Variants in KDM5B observed in about 807,000 individuals in gnomAD.
The protein encoded by KDM5B is lysine-specific demethylase 5B.
Under a neutral mutation model 193.4 loss-of-function variants are expected in KDM5B, and 144 were observed. That is an observed-to-expected ratio of 0.74 (90% CI 0.65 to 0.86). The LOEUF (loss-of-function observed/expected upper bound fraction) is 0.86, where lower values mean the gene tolerates loss of function less well. Ranked by LOEUF, KDM5B falls within the 40% of genes least tolerant of loss-of-function variation. KDM5B has a pLI of 0.00. For missense variants in KDM5B, 1,833 were observed against 1,886.9 expected, an observed-to-expected ratio of 0.97 and a Z score of 0.53; for synonymous variants, 668 against 682.6, an observed-to-expected ratio of 0.98 and a Z score of 0.33.
At chr1:202,740,169 G>C (rs1206936951) in intron 20 of KDM5B, among the ~76,000 whole-genome samples, 1 of 147,430 alleles carries the variant, frequency 6.8e-6, no homozygotes, top group Non-Finnish European at 1.5e-5. Flanking sequence ...TCACTTCCCA[G>C]TAGGGGCGGC....
chr1:202,796,505 A>G (rs1434391283), intron 1 of KDM5B: 1 of 190,896 alleles, frequency 5.2e-6, no homozygotes, highest in Non-Finnish European at 1.1e-5. Flanking sequence ...TAACCTTGGT[A>G]GCTGGTGTGC....
intron 1 of KDM5B, among the ~76,000 whole-genome samples, chr1:202,778,810 C>T (rs996371350): frequency 1.3e-5 from 2 of 152,002 alleles, no homozygotes; most frequent in Non-Finnish European, 1.5e-5. Flanking sequence ...TTAGTAGAGG[C>T]GGGGTTTCAC....
At chr1:202,738,295 C>A (rs1390050042) in intron 20 of KDM5B, among the ~76,000 whole-genome samples, 4 of 152,158 alleles carry the variant, frequency 2.6e-5, no homozygotes, top group Non-Finnish European at 5.9e-5. Flanking sequence ...TATATGTCAG[C>A]CTCTCCTTAC....
In KDM5B at chr1:202,741,711, A is replaced by G. The variant is rs1489767460; in HGVS notation, c.2601T>C (p.Asn867=). 6.3e-7 allele frequency: 1 copy of G among 1,593,552 alleles called. No homozygotes were observed. The highest frequency in any genetic ancestry group is 8.6e-7 in the Non-Finnish European group (1 of 1,167,058). The part of the protein sequence containing the change: ...SQTPLLKDLL[N]RVEDFQQHSQ... ...TATGCTGTTGAAAATCTTCTACACG[A>G]TTCAAGAGATCCTAAAAAAAAATAC... is the stretch of plus-strand genomic sequence containing the variant. The change falls in exon 19 of 27, where the codon AAT becomes AAC. Residue 867 remains asparagine (N), a synonymous_variant. Coordinates refer to ENST00000367265, the MANE Select transcript of KDM5B (RefSeq NM_006618.5).
intron 24 of KDM5B, 99 bp downstream of exon 24, chr1:202,731,729 A>G (rs1017485000): frequency 2.2e-6 from 2 of 905,934 alleles, no homozygotes; most frequent in Admixed American, 3.8e-5. Flanking sequence ...ATTTCAGCAT[A>G]AAGTCCTTTT....
At chr1:202,778,421 A>G (rs1657052405) in intron 1 of KDM5B, among the ~76,000 whole-genome samples, 1 of 152,166 alleles carries the variant, frequency 6.6e-6, no homozygotes, top group Non-Finnish European at 1.5e-5. Context: ...AGTCTGGGAT[A>G]ATGATGAAAG....
At chr1:202,758,791 T>G (rs1656123088) in intron 8 of KDM5B, 1 of 238,036 alleles carries the variant, frequency 4.2e-6, no homozygotes, top group African/African-American at 2.2e-5. Flanking sequence ...AAGACTCGAC[T>G]TCCTTCAAAA....
intron 20 of KDM5B, among the ~76,000 whole-genome samples, chr1:202,738,689 G>A (rs1442370569): frequency 6.6e-6 from 1 of 152,092 alleles, no homozygotes; most frequent in African/African-American, 2.4e-5. Flanking sequence ...TAGAACTTGA[G>A]ACTTTTTTTT....
intron 20 of KDM5B, among the ~76,000 whole-genome samples, chr1:202,739,149 A>G (rs1655204632): frequency 1.3e-5 from 2 of 152,214 alleles, no homozygotes; most frequent in Non-Finnish European, 2.9e-5. Context: ...AACAAGAGGT[A>G]ATCATACTTA....
At chr1:202,747,060 G>C (rs1042711496) in intron 14 of KDM5B, among the ~76,000 whole-genome samples, 1 of 152,028 alleles carries the variant, frequency 6.6e-6, no homozygotes, top group African/African-American at 2.4e-5. Flanking sequence ...TCTAAAACTG[G>C]ATCCTAATCC....
chr1:202,772,320 T>C (rs1410545000), intron 4 of KDM5B, among the ~76,000 whole-genome samples: 1 of 152,190 alleles, frequency 6.6e-6, no homozygotes, highest in Non-Finnish European at 1.5e-5. Context: ...ATTTCACAAA[T>C]ACCATTTTGT....
At chr1:202,775,898 A>G (rs1229224473) in intron 2 of KDM5B, among the ~76,000 whole-genome samples, 4 of 138,678 alleles carry the variant, frequency 2.9e-5, no homozygotes, top group Admixed American at 2.3e-4. Context: ...ATATATATAT[A>G]TATATAATAT....
At chr1:202,753,193 A>G (rs1462529271) in intron 11 of KDM5B, 126 bp from the exon 12 acceptor site, 1 of 779,740 alleles carries the variant, frequency 1.3e-6, no homozygotes, top group South Asian at 1.8e-5. Flanking sequence ...AACTGACGAA[A>G]TATCATTAGA....
In KDM5B at chr1:202,756,408, T is replaced by C. The variant is rs756555497; in HGVS notation, c.1306A>G (p.Ser436Gly). The change falls in exon 10 of 27, where the codon AGT becomes GGT. Residue 436 changes from serine to glycine, a missense_variant. By Grantham distance (56) the Ser-to-Gly change is moderately conservative. Transcript: ENST00000367265. ...TTCCCATCTCGGACAGGAAAGCCAC[T>C]GCCAAATTCCTTTGAGGCAATGTCA... ...GADIASKEFG[S>G]GFPVRDGKIK... 1.2e-6 allele frequency: 2 copies of C among 1,613,608 alleles called. No homozygotes were observed. The highest frequency in any genetic ancestry group is 1.7e-6 in the Non-Finnish European group (2 of 1,179,696).
At chr1:202,793,919 C>T (rs909376743) in intron 1 of KDM5B, among the ~76,000 whole-genome samples, 1 of 152,176 alleles carries the variant, frequency 6.6e-6, no homozygotes, top group African/African-American at 2.4e-5. Flanking sequence ...AAACCCCAAA[C>T]CCATACTCTA....
At chr1:202,730,060 C>A in intron 25 of KDM5B, 33 bp from the exon 26 acceptor site, 2 of 1,542,838 alleles carry the variant, frequency 1.3e-6, no homozygotes, top group Non-Finnish European at 1.8e-6. Flanking sequence ...CAATTTTCGC[C>A]TATGGGTCAC....
At position 202,749,249 on chromosome 1, in the gene KDM5B, C is replaced by T. The variant is rs77909508; in HGVS notation, c.1822-110G>A. 1,933 of 939,568 alleles carry T rather than the reference C, an allele frequency of 2.1e-3. 56 individuals carry two copies. In the East Asian group the frequency reaches 0.046, roughly 22 times the overall value. The allele number at this position is 939,568 out of a possible 1,614,324, so 58.2% of individuals were successfully genotyped here. A position where few individuals can be genotyped will look rare whatever the true frequency, so the allele number is the denominator to read the frequency against. On this transcript the variant is annotated intron_variant, in intron 13 of 26. Transcript: ENST00000367265. Reference sequence around the variant, plus strand: ...AAACATCACACTATGGGTCTTAACACGTATCATTTACCAACCCTAAAACCA... The same window carrying T: ...AAACATCACACTATGGGTCTTAACATGTATCATTTACCAACCCTAAAACCA...
intron 1 of KDM5B, among the ~76,000 whole-genome samples, chr1:202,793,602 A>AGG (rs1657726273): frequency 6.6e-6 from 1 of 152,238 alleles, no homozygotes; most frequent in Non-Finnish European, 1.5e-5. Context: ...CATGGAAATA[A>AGG]TGGAACACAT....
intron 1 of KDM5B, among the ~76,000 whole-genome samples, chr1:202,785,519 C>T (rs1442496812): frequency 2.0e-5 from 3 of 152,100 alleles, no homozygotes; most frequent in Admixed American, 6.5e-5. Context: ...TTCCTTGTAC[C>T]TTACGTATGT....
Sources: allele counts gnomAD v4.1 joint callset (sites outside exome capture counted in the v4.1 genomes callset), GRCh38; gene constraint gnomAD v4.1.1; transcripts MANE v1.5; gene names NCBI Gene and HGNC (gene_info 2026-07-23, HGNC 2026-07-21).